The following SPOCK1 variants were observed in gnomAD, a reference collection of about 807,000 sequenced individuals.
SPOCK1 encodes testican-1.
Under a neutral mutation model 55.3 loss-of-function variants are expected in SPOCK1, and 23 were observed. The observed-to-expected ratio is 0.42, with a 90% CI of 0.30 to 0.59. The LOEUF is 0.59. Among genes scored for constraint, SPOCK1 ranks in the 20% least tolerant of loss-of-function variants. SPOCK1 has a pLI of 0.22. For synonymous variants in SPOCK1, 226 were observed against 221.0 expected (o/e 1.02, Z -0.20); for missense variants, 499 against 552.5 (o/e 0.90, Z 0.97).
chr5:137,344,925 G>T (rs1448054615), intron 2 of SPOCK1, among the ~76,000 whole-genome samples: 1 of 152,140 alleles, frequency 6.6e-6, no homozygotes, highest in Non-Finnish European at 1.5e-5. Context: ...CTACCACCAG[G>T]CAGCAGTGCT....
Position 137,475,891 on chromosome 5 carries a change from T to TA in SPOCK1, c.186+22481dup, listed in dbSNP as rs551021371. Among the ~76,000 whole-genome samples, 624 of 152,160 alleles carry TA rather than the reference T, an allele frequency of 4.1e-3. 4 individuals are homozygous for TA. Among genetic ancestry groups the TA allele is most frequent in the African/African-American group, 0.014 (584 of 41,534 alleles). On this transcript the variant is annotated intron_variant, in intron 2 of 10. Transcript: ENST00000394945. The stretch of plus-strand genomic sequence containing the variant: ...ACTCGGCCTAAAGGGTATTTGAACA[T>TA]AAAAAAAGATGAAGATGTTGTCTCT...
chr5:137,389,223 G>C (rs762116619), intron 2 of SPOCK1, among the ~76,000 whole-genome samples: 4 of 152,144 alleles, frequency 2.6e-5, no homozygotes, highest in Non-Finnish European at 5.9e-5. Flanking sequence ...CTACCAGAAG[G>C]GCCAAGAGCT....
chr5:137,354,523 C>T (rs1750749903), intron 2 of SPOCK1, among the ~76,000 whole-genome samples: 1 of 152,172 alleles, frequency 6.6e-6, no homozygotes, highest in Non-Finnish European at 1.5e-5. Context: ...CAACTGTGAG[C>T]TCCTTGAACT....
At chr5:137,090,344 C>G (rs1753031168) in intron 5 of SPOCK1, among the ~76,000 whole-genome samples, 1 of 152,170 alleles carries the variant, frequency 6.6e-6, no homozygotes, top group Admixed American at 6.5e-5. Context: ...CAGAACACCT[C>G]TCTTTTGTTG....
chr5:137,293,089 A>ATTTTTTTTTTT (rs531537488), intron 2 of SPOCK1, among the ~76,000 whole-genome samples: 3 of 100,850 alleles, frequency 3.0e-5, no homozygotes, highest in African/African-American at 4.1e-5. Flanking sequence ...GGTTTGTTGA[A>ATTTTTTTTTTT]TTTTTTTTTT....
chr5:137,083,730 C>G (rs1752913140), intron 5 of SPOCK1, among the ~76,000 whole-genome samples: 2 of 152,104 alleles, frequency 1.3e-5, no homozygotes, highest in Non-Finnish European at 2.9e-5. Flanking sequence ...TATGTGAGAG[C>G]TATGTTACAT....
At chr5:137,199,534 A>C (rs1337207122) in intron 3 of SPOCK1, among the ~76,000 whole-genome samples, 1 of 151,712 alleles carries the variant, frequency 6.6e-6, no homozygotes, top group Non-Finnish European at 1.5e-5. Context: ...GCTTTACCTG[A>C]CCCATCAGCT....
chr5:137,343,867 A>T (rs1750495335), intron 2 of SPOCK1, among the ~76,000 whole-genome samples: 1 of 152,162 alleles, frequency 6.6e-6, no homozygotes, highest in African/African-American at 2.4e-5. Context: ...GGAAGTGTTA[A>T]GTCCAAGAGG....
chr5:137,102,040 T>C (rs1753277068), intron 5 of SPOCK1, among the ~76,000 whole-genome samples: 1 of 152,178 alleles, frequency 6.6e-6, no homozygotes, highest in African/African-American at 2.4e-5. Flanking sequence ...CATGCGGCCA[T>C]AGCATTTAAT....
chr5:137,498,266 C>CCA (rs544933594), intron 2 of SPOCK1, 107 bp downstream of exon 2: 130,388 of 788,410 alleles, frequency 0.17, 3,976 homozygotes, highest in African/African-American at 0.27. Flanking sequence ...CCCCTCCCAA[C>CCA]CACACACACA....
At chr5:137,441,827 G>A (rs993573544) in intron 2 of SPOCK1, among the ~76,000 whole-genome samples, 7 of 152,188 alleles carry the variant, frequency 4.6e-5, no homozygotes, top group African/African-American at 1.4e-4. Context: ...TAAGACATTG[G>A]CTTTTAAAAG....
chr5:137,121,296 T>C (rs1337923991), intron 4 of SPOCK1, among the ~76,000 whole-genome samples: 3 of 152,162 alleles, frequency 2.0e-5, no homozygotes, highest in African/African-American at 7.2e-5. Context: ...CTCTTATTCT[T>C]ATTTTGAGAC....
intron 6 of SPOCK1, among the ~76,000 whole-genome samples, chr5:137,011,421 T>C (rs188185764): frequency 1.6e-4 from 24 of 152,296 alleles, no homozygotes; most frequent in Non-Finnish European, 1.5e-5. Context: ...TGCCTTGAGA[T>C]TGAATTCATG....
At chr5:137,248,768 G>T (rs1444253424) in intron 3 of SPOCK1, among the ~76,000 whole-genome samples, 2 of 152,178 alleles carry the variant, frequency 1.3e-5, no homozygotes, top group Admixed American at 6.5e-5. Flanking sequence ...CTGGAATATA[G>T]CCAGTGGTCA....
chr5:137,308,260 A>T (rs1018766124), intron 2 of SPOCK1, among the ~76,000 whole-genome samples: 1 of 152,260 alleles, frequency 6.6e-6, no homozygotes, highest in Non-Finnish European at 1.5e-5. Flanking sequence ...AAGTTGACTG[A>T]TTCTCATCCT....
chr5:137,495,380 C>G (rs1304312172), intron 2 of SPOCK1, among the ~76,000 whole-genome samples: 1 of 152,194 alleles, frequency 6.6e-6, no homozygotes, highest in African/African-American at 2.4e-5. Flanking sequence ...TGTAACAACA[C>G]CCAAGGGCTA....
intron 2 of SPOCK1, among the ~76,000 whole-genome samples, chr5:137,435,563 T>C (rs1197845216): frequency 6.6e-6 from 1 of 152,206 alleles, no homozygotes; most frequent in Non-Finnish European, 1.5e-5. Context: ...ATATTAAGAG[T>C]TCTTTGAAAA....
chr5:137,030,135 T>A (rs141745549), intron 6 of SPOCK1, among the ~76,000 whole-genome samples: 10 of 152,338 alleles, frequency 6.6e-5, no homozygotes, highest in African/African-American at 2.4e-4. Context: ...GAGCAGGAAC[T>A]AAAGCCTAAT....
intron 3 of SPOCK1, among the ~76,000 whole-genome samples, chr5:137,236,392 A>C (rs1756182507): frequency 6.6e-6 from 1 of 152,240 alleles, no homozygotes; most frequent in Non-Finnish European, 1.5e-5. Context: ...CCACACCCCA[A>C]GCATTATCAG....
Sources: allele counts gnomAD v4.1 joint callset (sites outside exome capture counted in the v4.1 genomes callset), GRCh38; gene constraint gnomAD v4.1.1; transcripts MANE v1.5; gene names NCBI Gene and HGNC (gene_info 2026-07-23, HGNC 2026-07-21).